Variants in PRR16 observed in about 807,000 individuals in gnomAD.
PRR16 encodes the protein protein Largen.
PRR16 carries 6 observed loss-of-function variants against 18.2 expected under a neutral mutation model. The observed-to-expected ratio is 0.33, with a 90% CI of 0.18 to 0.65. The LOEUF (loss-of-function observed/expected upper bound fraction) is 0.65, where lower values mean the gene tolerates loss of function less well. Among genes scored for constraint, PRR16 ranks in the 30% least tolerant of loss-of-function variants. The pLI, the probability that PRR16 is intolerant of heterozygous loss-of-function variation, is 0.74. For missense variants in PRR16, 412 were observed against 376.6 expected (o/e 1.09, Z -0.78); for synonymous variants, 151 against 147.8 (o/e 1.02, Z -0.16).
At chr5:120,626,641 A>T (rs1367418398) in intron 1 of PRR16, among the ~76,000 whole-genome samples, 2 of 152,180 alleles carry the variant, frequency 1.3e-5, no homozygotes, top group Non-Finnish European at 2.9e-5. Flanking sequence ...TTTAAAAAAG[A>T]CACAAATAGA....
the PRR16 span, among the ~76,000 whole-genome samples, chr5:120,753,841 CTTATATA>C: frequency 3.5e-3 from 421 of 120,470 alleles, 12 homozygotes; most frequent in East Asian, 0.063. Flanking sequence ...ATATATATAA[CTTATATA>C]TTATATATAA....
intron 1 of PRR16, among the ~76,000 whole-genome samples, chr5:120,578,791 T>G (rs925290144): frequency 1.3e-5 from 2 of 152,098 alleles, no homozygotes; most frequent in African/African-American, 4.8e-5. Flanking sequence ...TGAAATGGTA[T>G]GTCTGGTTCT....
chr5:120,662,232 T>C (rs563147809), intron 1 of PRR16, among the ~76,000 whole-genome samples: 3 of 152,262 alleles, frequency 2.0e-5, no homozygotes, highest in East Asian at 3.9e-4. Context: ...TGAAATGATC[T>C]TTATTTAATA....
chr5:120,642,274 C>T (rs72794329), intron 1 of PRR16, among the ~76,000 whole-genome samples: 15,158 of 151,184 alleles, frequency 0.1, 1,002 homozygotes, highest in South Asian at 0.13. Context: ...TTTTTTTTCC[C>T]CTAACAGTGG....
intron 1 of PRR16, among the ~76,000 whole-genome samples, chr5:120,650,490 C>A (rs186116349): frequency 1.7e-3 from 247 of 144,242 alleles, no homozygotes; most frequent in Middle Eastern, 7.0e-3. Context: ...CCCCCCACTC[C>A]ACAACAGGCC....
In PRR16 at chr5:120,686,248, A is replaced by G. The variant is rs771691841; in HGVS notation, c.454A>G (p.Thr152Ala). 3 of 1,614,088 alleles carry G rather than the reference A, an allele frequency of 1.9e-6. No individual in the cohort carries two copies. In the South Asian group the frequency reaches 3.3e-5, roughly 18 times the overall value. ...TGCCAATCCTGTAAAAACCAATGGC[A>G]CCCTTCTACGAAATGGAGGCTTACC... Reference protein sequence around the residue: ...PTANPVKTNGTLLRNGGLPGG... With the variant: ...PTANPVKTNGALLRNGGLPGG... The change falls in exon 2 of 2, where the codon ACC becomes GCC. Residue 152 changes from threonine (T) to alanine (A), a missense_variant. Physicochemically the swap from Thr to Ala is moderately conservative, Grantham distance 58. Coordinates refer to ENST00000407149, the MANE Select transcript of PRR16 (RefSeq NM_001300783.2).
intron 1 of PRR16, among the ~76,000 whole-genome samples, chr5:120,539,518 A>G (rs1751837435): frequency 6.6e-6 from 1 of 152,050 alleles, no homozygotes; most frequent in South Asian, 2.1e-4. Flanking sequence ...AAATTTTGCT[A>G]TGGATGGGAA....
intron 1 of PRR16, among the ~76,000 whole-genome samples, chr5:120,505,966 A>C (rs1287139920): frequency 2.0e-5 from 3 of 150,098 alleles, no homozygotes. Context: ...ATATATATAT[A>C]TATACACATT....
chr5:120,751,284 C>T, the PRR16 span, among the ~76,000 whole-genome samples: 22,465 of 152,088 alleles, frequency 0.15, 2,529 homozygotes, highest in African/African-American at 0.31. Flanking sequence ...TCTGGAGATA[C>T]ACCTAGCAAA....
At chr5:120,559,539 T>C (rs1299550770) in intron 1 of PRR16, among the ~76,000 whole-genome samples, 1 of 151,982 alleles carries the variant, frequency 6.6e-6, no homozygotes, top group Non-Finnish European at 1.5e-5. Context: ...GTTAGTACCA[T>C]ACTGTTTGGT....
intron 1 of PRR16, among the ~76,000 whole-genome samples, chr5:120,620,832 C>T (rs1754665571): frequency 6.6e-6 from 1 of 152,086 alleles, no homozygotes; most frequent in African/African-American, 2.4e-5. Context: ...GCTTTACATA[C>T]CAACTATATA....
intron 1 of PRR16, among the ~76,000 whole-genome samples, chr5:120,499,138 C>A (rs1750360307): frequency 6.7e-6 from 1 of 149,186 alleles, no homozygotes; most frequent in African/African-American, 2.5e-5. Flanking sequence ...AGACGGAGTT[C>A]CGCTCTTGTT....
At chr5:120,778,891 TAGAG>T in the PRR16 span, among the ~76,000 whole-genome samples, 6 of 152,138 alleles carry the variant, frequency 3.9e-5, no homozygotes, top group Admixed American at 6.6e-5. Context: ...CAGTGGATAT[TAGAG>T]AGGGAAGTAT....
At chr5:120,641,545 A>G (rs993100374) in intron 1 of PRR16, among the ~76,000 whole-genome samples, 17 of 152,106 alleles carry the variant, frequency 1.1e-4, no homozygotes, top group Non-Finnish European at 1.9e-4. Context: ...ACTGCCCTGC[A>G]TGAAGTGAGG....
the PRR16 span, among the ~76,000 whole-genome samples, chr5:120,758,872 ATATTTTT>A: frequency 1.3e-5 from 2 of 151,770 alleles, no homozygotes; most frequent in African/African-American, 2.4e-5. Context: ...TAACTTTGTC[ATATTTTT>A]TATTTTGAGC....
intron 1 of PRR16, among the ~76,000 whole-genome samples, chr5:120,467,402 T>C (rs1299474131): frequency 6.6e-6 from 1 of 152,146 alleles, no homozygotes; most frequent in East Asian, 1.9e-4. Context: ...AGTATTTATT[T>C]TTTCTTTCTG....
chr5:120,727,250 C>T, the PRR16 span, among the ~76,000 whole-genome samples: 2 of 151,990 alleles, frequency 1.3e-5, no homozygotes, highest in Admixed American at 1.3e-4. Flanking sequence ...CTCCCTTTGC[C>T]TTACATGTTG....
chr5:120,523,066 A>G (rs929961678), intron 1 of PRR16, among the ~76,000 whole-genome samples: 1 of 152,198 alleles, frequency 6.6e-6, no homozygotes, highest in African/African-American at 2.4e-5. Flanking sequence ...ATAGACATGT[A>G]TCCCAGGCTC....
chr5:120,546,103 G>A (rs1752066348), intron 1 of PRR16, among the ~76,000 whole-genome samples: 1 of 152,058 alleles, frequency 6.6e-6, no homozygotes, highest in African/African-American at 2.4e-5. Context: ...TAGTAAGGAA[G>A]CTGGAGTTAA....
Sources: allele counts gnomAD v4.1 joint callset (sites outside exome capture counted in the v4.1 genomes callset), GRCh38; gene constraint gnomAD v4.1.1; transcripts MANE v1.5; gene names NCBI Gene and HGNC (gene_info 2026-07-23, HGNC 2026-07-21).